Variants in RBFOX1 observed in about 807,000 individuals in gnomAD.
RBFOX1 encodes RNA binding fox-1 homolog 1.
Under a neutral mutation model 57.7 loss-of-function variants are expected in RBFOX1, and 8 were observed. The observed-to-expected ratio is 0.14, with a 90% CI of 0.08 to 0.25. RBFOX1 has a LOEUF of 0.25. RBFOX1 is among the 10% of genes least tolerant of loss of function. RBFOX1 has a pLI of 1.00. For missense variants in RBFOX1, 611 were observed against 548.5 expected (o/e 1.11, Z -1.14); for synonymous variants, 326 against 222.4 (o/e 1.47, Z -4.15).
chr16:6,550,010 T>C (rs1267646999), intron 2 of RBFOX1, among the ~76,000 whole-genome samples: 1 of 152,064 alleles, frequency 6.6e-6, no homozygotes, highest in African/African-American at 2.4e-5. Context: ...CTAAGAGGGG[T>C]GACAGTTTCA....
At chr16:5,993,397 GAC>G (rs147231942) in intron 4 of RBFOX1, among the ~76,000 whole-genome samples, 78,045 of 139,180 alleles carry the variant, frequency 0.56, 22,138 homozygotes, top group African/African-American at 0.67. Flanking sequence ...GAGAGAGAGA[GAC>G]AGAGAGAGAG....
chr16:7,295,670 G>A (rs998056477), intron 4 of RBFOX1, among the ~76,000 whole-genome samples: 3 of 152,034 alleles, frequency 2.0e-5, no homozygotes, highest in African/African-American at 7.2e-5. Flanking sequence ...CACTACAGGT[G>A]TACTCAGGGG....
intron 5 of RBFOX1, among the ~76,000 whole-genome samples, chr16:7,540,265 C>G (rs1007635914): frequency 6.6e-6 from 1 of 152,092 alleles, no homozygotes; most frequent in African/African-American, 2.4e-5. Context: ...GCTGGAAACT[C>G]CTTGGTCTCT....
chr16:5,347,987 C>G (rs1390339067), intron 1 of RBFOX1, among the ~76,000 whole-genome samples: 1 of 146,116 alleles, frequency 6.8e-6, no homozygotes, highest in Non-Finnish European at 1.5e-5. Flanking sequence ...ATCGATCCAT[C>G]TACCTGCCCA....
Position 5,456,911 on chromosome 16 carries a change from C to G in RBFOX1, c.220-10305C>G, listed in dbSNP as rs8047957. Reference sequence around the variant, plus strand: ...CATTTTAAACCTTTCTTGTCTCTAGCACATTCCACCTCTAGGCCTTTATCT... The same window carrying G: ...CATTTTAAACCTTTCTTGTCTCTAGGACATTCCACCTCTAGGCCTTTATCT... On this transcript the variant is annotated intron_variant, in intron 1 of 2. Transcript: ENST00000585867. Among the ~76,000 whole-genome samples, 1,414 of 152,318 alleles carry G rather than the reference C, an allele frequency of 9.3e-3. 26 individuals are homozygous for G. The highest frequency in any genetic ancestry group is 0.032 in the African/African-American group (1,329 of 41,552).
At chr16:5,602,410 C>A (rs2151213045), downstream of RBFOX1, among the ~76,000 whole-genome samples, 1 of 152,266 alleles carries the variant, frequency 6.6e-6, no homozygotes, top group East Asian at 1.9e-4. Context: ...CCCTCAATAT[C>A]CCTCAGTAAG....
At chr16:7,039,090 G>A (rs78192265) in intron 3 of RBFOX1, among the ~76,000 whole-genome samples, 1 of 152,014 alleles carries the variant, frequency 6.6e-6, no homozygotes, top group Non-Finnish European at 1.5e-5. Flanking sequence ...CTGGGAGATA[G>A]CACCCCATAG....
intron 1 of RBFOX1, among the ~76,000 whole-genome samples, chr16:5,241,623 A>C (rs2062169465): frequency 1.3e-5 from 2 of 152,326 alleles, no homozygotes; most frequent in South Asian, 4.1e-4. Context: ...TCAGTGGCAA[A>C]TGGATCTGTC....
At chr16:6,966,777 A>ATCTGTCTG (rs1242833315) in intron 3 of RBFOX1, among the ~76,000 whole-genome samples, 28 of 24,698 alleles carry the variant, frequency 1.1e-3, no homozygotes, top group African/African-American at 2.5e-3. Flanking sequence ...CTATCTATCT[A>ATCTGTCTG]TCTATCTATC....
intron 4 of RBFOX1, among the ~76,000 whole-genome samples, chr16:5,960,655 G>A (rs1034005839): frequency 6.6e-6 from 1 of 152,070 alleles, no homozygotes; most frequent in African/African-American, 2.4e-5. Flanking sequence ...GAAGTGTTTG[G>A]GGAGTTAAGA....
chr16:6,829,055 A>G (rs970119390), intron 3 of RBFOX1, among the ~76,000 whole-genome samples: 1 of 152,102 alleles, frequency 6.6e-6, no homozygotes, highest in African/African-American at 2.4e-5. Flanking sequence ...GAGCCTGGAC[A>G]CCTGCCGGGA....
chr16:6,317,182 C>T (rs548675159), intron 2 of RBFOX1, 125 bp downstream of exon 2: 2 of 859,298 alleles, frequency 2.3e-6, no homozygotes, highest in East Asian at 2.7e-5. Flanking sequence ...CTGCCTATGT[C>T]TTTCTCTTCT....
At chr16:7,005,150 C>G (rs926846751) in intron 3 of RBFOX1, among the ~76,000 whole-genome samples, 12 of 151,418 alleles carry the variant, frequency 7.9e-5, no homozygotes, top group African/African-American at 2.7e-4. Flanking sequence ...ATCTCAAAAA[C>G]AAAAAACGAA....
chr16:5,512,441 TC>T (rs2043631499), intron 2 of RBFOX1, among the ~76,000 whole-genome samples: 1 of 151,872 alleles, frequency 6.6e-6, no homozygotes, highest in Non-Finnish European at 1.5e-5. Flanking sequence ...TCTGTCTCTC[TC>T]TCTCTTCTTT....
At chr16:6,500,885 T>TTGTTTGTTTG (rs1555507152) in intron 2 of RBFOX1, among the ~76,000 whole-genome samples, 1 of 90,432 alleles carries the variant, frequency 1.1e-5, no homozygotes, top group Non-Finnish European at 2.6e-5. Flanking sequence ...AGTTTTTTTT[T>TTGTTTGTTTG]TTTTTTTTTT....
chr16:6,089,364 C>G (rs1222387691), intron 1 of RBFOX1, among the ~76,000 whole-genome samples: 3 of 152,032 alleles, frequency 2.0e-5, no homozygotes, highest in African/African-American at 7.2e-5. Flanking sequence ...ACAGCAAATG[C>G]AAAGGCCCAG....
chr16:6,056,392 C>A (rs1251493867), intron 1 of RBFOX1, among the ~76,000 whole-genome samples: 1 of 152,170 alleles, frequency 6.6e-6, no homozygotes, highest in African/African-American at 2.4e-5. Context: ...TTTCTCTTTT[C>A]CTCGATCTCT....
chr16:5,527,991 C>T (rs151068825), intron 2 of RBFOX1, among the ~76,000 whole-genome samples: 147 of 152,302 alleles, frequency 9.7e-4, no homozygotes, highest in Middle Eastern at 6.8e-3. Flanking sequence ...AACAGCCCCT[C>T]AGAGCACCTA....
chr16:6,533,851 C>G (rs916348400), intron 2 of RBFOX1, among the ~76,000 whole-genome samples: 2 of 152,152 alleles, frequency 1.3e-5, no homozygotes, highest in Admixed American at 6.5e-5. Flanking sequence ...ACAGTACGTA[C>G]TAAACATAAA....
Sources: gnomAD v4.1 joint callset for allele counts (sites outside exome capture counted in the v4.1 genomes callset) on GRCh38, gnomAD v4.1.1 for gene constraint, MANE v1.5 for transcripts, NCBI Gene and HGNC (gene_info 2026-07-23, HGNC 2026-07-21) for gene names.